CDYL2: variants seen among roughly 807,000 people sequenced by gnomAD.
CDYL2 encodes chromodomain Y-like protein 2.
In CDYL2, 23 loss-of-function variants were observed where a neutral mutation model predicts 49.4. That is an observed-to-expected ratio of 0.47 (90% confidence interval 0.34 to 0.66). The LOEUF is 0.66. CDYL2 is among the 30% of genes least tolerant of loss of function. CDYL2 has a pLI of 0.01. For synonymous variants in CDYL2, 360 were observed against 268.8 expected (o/e 1.34, Z -3.32); for missense variants, 678 against 656.4 (o/e 1.03, Z -0.36).
intron 1 of CDYL2, among the ~76,000 whole-genome samples, chr16:80,752,048 T>C (rs1906155743): frequency 6.6e-6 from 1 of 151,742 alleles, no homozygotes. Context: ...ACTAGAATTG[T>C]CAAATATAAC....
intron 2 of CDYL2, among the ~76,000 whole-genome samples, chr16:80,655,104 T>A (rs1034884170): frequency 6.6e-6 from 1 of 152,206 alleles, no homozygotes; most frequent in African/African-American, 2.4e-5. Flanking sequence ...GGGACATCCA[T>A]CCCTGCTGGG....
At chr16:80,662,579 G>A (rs1909091559) in intron 2 of CDYL2, among the ~76,000 whole-genome samples, 1 of 152,116 alleles carries the variant, frequency 6.6e-6, no homozygotes. Context: ...CGGATGGGCA[G>A]AACCAGACAT....
Position 80,684,945 on chromosome 16 carries a change from T to C in CDYL2, c.209A>G (p.Lys70Arg), listed in dbSNP as rs1193930442. 1 of 1,614,198 alleles carries C rather than the reference T, an allele frequency of 6.2e-7. No homozygotes were observed. Among genetic ancestry groups the C allele is most frequent in the Non-Finnish European group, 8.5e-7 (1 of 1,180,036 alleles). ...CAGCAGCTTGGAGGTACTGGACTGC[T>C]TCCCTGACTTGATCCTCTTGTCCTT... ...MSKDKRIKSG[K>R]QSSTSKLLRD... The change falls in exon 2 of 7, where the codon AAG (lysine) becomes AGG (arginine). Residue 70 changes from lysine to arginine, a missense_variant. By Grantham distance (26) the Lys-to-Arg change is conservative. This residue lies in a region of CDYL2 where 478 missense variants were observed against 427.0 expected (regional missense o/e 1.12). Coordinates refer to ENST00000570137, the MANE Select transcript of CDYL2 (RefSeq NM_152342.4).
intron 1 of CDYL2, among the ~76,000 whole-genome samples, chr16:80,775,519 T>C (rs1187554712): frequency 2.0e-5 from 3 of 151,678 alleles, no homozygotes; most frequent in Non-Finnish European, 2.9e-5. Flanking sequence ...AATATGTTTG[T>C]AAAGGATTTA....
Position 80,778,431 on chromosome 16 carries a change from T to C in CDYL2, c.24+25719A>G, listed in dbSNP as rs571227823. Among the ~76,000 whole-genome samples the C allele has an allele frequency of 2.0e-5, 3 of 152,026 alleles. 1 individual carries two copies. In the South Asian group the frequency reaches 6.2e-4, roughly 32 times the overall value. On this transcript the variant is annotated intron_variant, in intron 1 of 6. Coordinates refer to ENST00000570137, the MANE Select transcript of CDYL2 (RefSeq NM_152342.4). The stretch of plus-strand genomic sequence containing the variant: ...TGACAGAAAGACAGGTAAGATGATA[T>C]AATTTAAGCATGATGTGACTATCTT...
chr16:80,714,062 A>C (rs2142515817), intron 1 of CDYL2, among the ~76,000 whole-genome samples: 1 of 152,334 alleles, frequency 6.6e-6, no homozygotes, highest in Middle Eastern at 3.4e-3. Flanking sequence ...CTGACCCTCA[A>C]AACCTGTGAG....
chr16:80,718,754 G>A (rs1225248005), intron 1 of CDYL2, among the ~76,000 whole-genome samples: 3 of 152,210 alleles, frequency 2.0e-5, no homozygotes, highest in South Asian at 2.1e-4. Flanking sequence ...CCAGAACAAT[G>A]GGCCAGAGGG....
At chr16:80,731,858 A>G (rs142612143) in intron 1 of CDYL2, among the ~76,000 whole-genome samples, 5 of 152,134 alleles carry the variant, frequency 3.3e-5, no homozygotes, top group East Asian at 1.9e-4. Flanking sequence ...TAACAAGGAT[A>G]TAAATCAACA....
At chr16:80,614,845 CAG>C (rs1327282329) in intron 4 of CDYL2, among the ~76,000 whole-genome samples, 2 of 122,160 alleles carry the variant, frequency 1.6e-5, no homozygotes, top group Non-Finnish European at 3.2e-5. Flanking sequence ...GCCTGGGAAA[CAG>C]AGTGAGACTC....
intron 1 of CDYL2, among the ~76,000 whole-genome samples, chr16:80,783,233 C>T (rs968125975): frequency 2.0e-5 from 3 of 152,094 alleles, no homozygotes; most frequent in African/African-American, 4.8e-5. Flanking sequence ...CTCCAAAGAA[C>T]ACATACAGAT....
chr16:80,739,081 G>C (rs1905642719), intron 1 of CDYL2, among the ~76,000 whole-genome samples: 1 of 152,180 alleles, frequency 6.6e-6, no homozygotes, highest in South Asian at 2.1e-4. Flanking sequence ...CCTTTAAAGG[G>C]AAGTAAATTC....
chr16:80,739,607 G>C (rs534799077), intron 1 of CDYL2, among the ~76,000 whole-genome samples: 12 of 152,262 alleles, frequency 7.9e-5, no homozygotes, highest in African/African-American at 2.6e-4. Context: ...GCACACCAGA[G>C]AGACCCTAGC....
intron 1 of CDYL2, among the ~76,000 whole-genome samples, chr16:80,756,311 CCT>C (rs1906308268): frequency 6.6e-6 from 1 of 152,118 alleles, no homozygotes; most frequent in East Asian, 1.9e-4. Flanking sequence ...CATCCACAAA[CCT>C]CTGTCTAGTC....
chr16:80,694,601 C>T, intron 1 of CDYL2, among the ~76,000 whole-genome samples: 1 of 152,244 alleles, frequency 6.6e-6, no homozygotes. Flanking sequence ...TACATTTACA[C>T]ATATAAACAT....
At chr16:80,613,448 C>T (rs1199174146) in intron 4 of CDYL2, among the ~76,000 whole-genome samples, 3 of 152,138 alleles carry the variant, frequency 2.0e-5, no homozygotes, top group African/African-American at 4.8e-5. Flanking sequence ...AAAAATCACA[C>T]CTAGGATGGT....
At chr16:80,786,551 T>A (rs1218700907) in intron 1 of CDYL2, among the ~76,000 whole-genome samples, 3 of 152,204 alleles carry the variant, frequency 2.0e-5, no homozygotes, top group African/African-American at 7.2e-5. Flanking sequence ...TGGAAGACAG[T>A]GTGGCAATTC....
chr16:80,642,672 G>A (rs57933761), intron 2 of CDYL2, among the ~76,000 whole-genome samples: 1 of 152,010 alleles, frequency 6.6e-6, no homozygotes. Context: ...GGAGGTGAAA[G>A]GCACTTCTTA....
chr16:80,622,799 GCTAA>G (rs1294258786), intron 3 of CDYL2, among the ~76,000 whole-genome samples: 2 of 152,132 alleles, frequency 1.3e-5, no homozygotes, highest in Non-Finnish European at 2.9e-5. Context: ...CCCCATGAAA[GCTAA>G]CTGTGTTTGC....
intron 2 of CDYL2, among the ~76,000 whole-genome samples, chr16:80,678,387 T>C (rs1379966166): frequency 1.3e-5 from 2 of 152,074 alleles, no homozygotes. Context: ...ATATCCAGAA[T>C]CTACGATGAA....
Sources: gnomAD v4.1 joint callset for allele counts (sites outside exome capture counted in the v4.1 genomes callset) on GRCh38, gnomAD v4.1.1 for gene constraint, gnomAD v4.1.1 regional missense constraint, MANE v1.5 for transcripts, NCBI Gene and HGNC (gene_info 2026-07-23, HGNC 2026-07-21) for gene names.